ANOS1: variants seen among roughly 807,000 people sequenced by gnomAD.
The protein encoded by ANOS1 is anosmin-1.
Under a neutral mutation model 59.0 loss-of-function variants are expected in ANOS1, and 6 were observed. The ratio of observed to expected loss-of-function variants is 0.10; its 90% CI spans 0.06 to 0.20. The LOEUF (loss-of-function observed/expected upper bound fraction) is 0.20. Ranked by LOEUF, ANOS1 falls within the 10% of genes least tolerant of loss-of-function variation. ANOS1 has a pLI of 1.00. For missense variants in ANOS1, 433 were observed against 542.3 expected, an observed-to-expected ratio of 0.80 and a Z score of 2.00; for synonymous variants, 217 against 223.4, an observed-to-expected ratio of 0.97 and a Z score of 0.25.
intron 2 of ANOS1, among the ~76,000 whole-genome samples, chrX:8,686,929 G>A (rs979302621): frequency 1.8e-5 from 2 of 111,570 alleles, no homozygotes; most frequent in Non-Finnish European, 3.8e-5. Context: ...ATTCCACCCT[G>A]GGAGACAGAG....
chrX:8,675,740 T>C (rs1932325930), intron 2 of ANOS1, among the ~76,000 whole-genome samples: 1 of 109,116 alleles, frequency 9.2e-6, no homozygotes, highest in Non-Finnish European at 1.9e-5. Context: ...ATGTGCAGGA[T>C]GTGCAGGTTT....
At chrX:8,715,491 C>A in intron 1 of ANOS1, among the ~76,000 whole-genome samples, 1 of 104,584 alleles carries the variant, frequency 9.6e-6, no homozygotes, top group Non-Finnish European at 2.0e-5. Flanking sequence ...GATGCCCAGG[C>A]TGGTCTCAAA....
intron 2 of ANOS1, among the ~76,000 whole-genome samples, chrX:8,638,010 A>G (rs1931599909): frequency 9.0e-6 from 1 of 111,641 alleles, no homozygotes; most frequent in African/African-American, 3.3e-5. Flanking sequence ...TCATCAGGGG[A>G]TGGCCCTTGA....
chrX:8,689,011 T>C (rs1456014952), intron 2 of ANOS1, among the ~76,000 whole-genome samples: 1 of 111,823 alleles, frequency 8.9e-6, no homozygotes, highest in African/African-American at 3.3e-5. Context: ...CAATTAGAAC[T>C]GTGAGTCTGC....
In ANOS1 at chrX:8,534,519, T is replaced by G. The variant is rs1282639272; in HGVS notation, c.1843-59A>C. 7.1e-6 allele frequency: 8 copies of G among 1,129,288 alleles called. No homozygotes were observed. In the Admixed American group the frequency reaches 1.8e-4, roughly 25 times the overall value. The allele number at this position is 1,129,288 out of a possible 1,213,427, so 93.1% of individuals were successfully genotyped here. ...ACAACCTTTCAGAGACAACATGCAA[T>G]GCACAGAGAGCCTAGAACAGTTTTT... On this transcript the variant is annotated intron_variant, in intron 12 of 13. Coordinates refer to ENST00000262648, the MANE Select transcript of ANOS1 (RefSeq NM_000216.4).
intron 9 of ANOS1, among the ~76,000 whole-genome samples, chrX:8,550,302 T>C (rs1031809706): frequency 1.8e-5 from 2 of 111,856 alleles, no homozygotes; most frequent in African/African-American, 6.5e-5. Flanking sequence ...AAAAGTATCA[T>C]ACTTTCTATC....
At chrX:8,674,132 T>C (rs1424377801) in intron 2 of ANOS1, among the ~76,000 whole-genome samples, 1 of 111,828 alleles carries the variant, frequency 8.9e-6, no homozygotes, top group African/African-American at 3.3e-5. Context: ...GAGAAACTCA[T>C]TAGCTGGATT....
intron 3 of ANOS1, among the ~76,000 whole-genome samples, chrX:8,601,016 C>G (rs1930832186): frequency 9.2e-6 from 1 of 109,237 alleles, no homozygotes; most frequent in Admixed American, 9.8e-5. Context: ...CAGTGAAACC[C>G]TGTCTCTACT....
intron 9 of ANOS1, among the ~76,000 whole-genome samples, chrX:8,539,982 T>G (rs1186347776): frequency 2.8e-5 from 3 of 105,758 alleles, no homozygotes; most frequent in East Asian, 6.0e-4. Flanking sequence ...GGGAAAAAAG[T>G]AATATACTGC....
At chrX:8,599,357 T>C (rs1198607394) in intron 3 of ANOS1, among the ~76,000 whole-genome samples, 1 of 111,311 alleles carries the variant, frequency 9.0e-6, no homozygotes, top group Non-Finnish European at 1.9e-5. Flanking sequence ...AGGGGGAGAA[T>C]AGGAACATCA....
At chrX:8,685,603 A>C (rs1202227393) in intron 2 of ANOS1, among the ~76,000 whole-genome samples, 1 of 63,872 alleles carries the variant, frequency 1.6e-5, no homozygotes, top group East Asian at 4.9e-4. Context: ...AAAGGAAGAA[A>C]GAAAGAAAGA....
intron 1 of ANOS1, among the ~76,000 whole-genome samples, chrX:8,704,496 A>C (rs1932771421): frequency 8.9e-6 from 1 of 112,165 alleles, no homozygotes; most frequent in South Asian, 3.7e-4. Context: ...AATGAGAAGA[A>C]AGCCAATAGC....
chrX:8,554,606 T>A (rs1234139770), intron 8 of ANOS1, among the ~76,000 whole-genome samples: 1 of 97,328 alleles, frequency 1.0e-5, no homozygotes, highest in Non-Finnish European at 2.0e-5. Context: ...TCTCGCTCTG[T>A]CGCCCAACAA....
intron 9 of ANOS1, among the ~76,000 whole-genome samples, chrX:8,541,416 C>CA (rs1336353284): frequency 9.9e-6 from 1 of 101,509 alleles, no homozygotes; most frequent in Non-Finnish European, 2.0e-5. Context: ...ACCACCCCCC[C>CA]CCCAAAAACA....
chrX:8,727,133 T>C (rs763350698), intron 1 of ANOS1, among the ~76,000 whole-genome samples: 2 of 112,148 alleles, frequency 1.8e-5, no homozygotes, highest in African/African-American at 6.5e-5. Context: ...CTGAAATTCT[T>C]TGAGTTTGAG....
intron 3 of ANOS1, among the ~76,000 whole-genome samples, chrX:8,609,197 G>T (rs1476183264): frequency 9.0e-6 from 1 of 111,515 alleles, no homozygotes; most frequent in Non-Finnish European, 1.9e-5. Flanking sequence ...TCAACTAAGG[G>T]GTATGCTAAG....
intron 7 of ANOS1, among the ~76,000 whole-genome samples, 193 bp downstream of exon 7, chrX:8,570,306 C>T (rs1930205114): frequency 8.9e-6 from 1 of 111,769 alleles, no homozygotes; most frequent in Admixed American, 9.5e-5. Flanking sequence ...AATGCTTCTG[C>T]CTAAAATATA....
intron 8 of ANOS1, among the ~76,000 whole-genome samples, chrX:8,558,832 T>C (rs898318865): frequency 1.8e-5 from 2 of 111,978 alleles, no homozygotes; most frequent in Non-Finnish European, 3.8e-5. Context: ...CTGTGTGCCA[T>C]TCAGATTAGT....
chrX:8,671,899 C>G (rs911577481), intron 2 of ANOS1, among the ~76,000 whole-genome samples: 5 of 110,467 alleles, frequency 4.5e-5, no homozygotes, highest in Non-Finnish European at 9.4e-5. Context: ...TGCATTACTT[C>G]ACATATTAAT....
Sources: allele counts gnomAD v4.1 joint callset (sites outside exome capture counted in the v4.1 genomes callset), GRCh38; gene constraint gnomAD v4.1.1; transcripts MANE v1.5; gene names NCBI Gene and HGNC (gene_info 2026-07-23, HGNC 2026-07-21).